Variants in SYNJ1 observed in about 807,000 individuals in gnomAD.
The protein encoded by SYNJ1 is polyphosphatidylinositol phosphatase SYNJ1.
A neutral mutation model predicts 168.2 loss-of-function variants in SYNJ1; 78 were observed. The ratio of observed to expected loss-of-function variants is 0.46; its 90% CI spans 0.39 to 0.56. SYNJ1 has a LOEUF of 0.56. Ranked by LOEUF, SYNJ1 falls within the 20% of genes least tolerant of loss-of-function variation. The pLI, the probability that SYNJ1 is intolerant of heterozygous loss-of-function variation, is 0.00. For missense variants in SYNJ1, 1,303 were observed against 1,597.6 expected, an observed-to-expected ratio of 0.82 and a Z score of 3.14; for synonymous variants, 539 against 548.6, an observed-to-expected ratio of 0.98 and a Z score of 0.24.
intron 23 of SYNJ1, among the ~76,000 whole-genome samples, chr21:32,648,907 C>T (rs1216568406): frequency 6.6e-6 from 1 of 152,148 alleles, no homozygotes; most frequent in African/African-American, 2.4e-5. Context: ...TCATTTACTC[C>T]CTCACAAACA....
At chr21:32,699,116 T>G (rs2042309144) in intron 4 of SYNJ1, among the ~76,000 whole-genome samples, 1 of 152,234 alleles carries the variant, frequency 6.6e-6, no homozygotes, top group Non-Finnish European at 1.5e-5. Flanking sequence ...CAATTAGCAA[T>G]GTCTATCCCT....
At position 32,650,351 on chromosome 21, in the gene SYNJ1, C is replaced by T. The variant is rs376206541; in HGVS notation, c.2875-5G>A. 92 of 1,597,598 alleles carry T rather than the reference C, an allele frequency of 5.8e-5. No individual in the cohort carries two copies. In the African/African-American group the frequency reaches 6.1e-4, roughly 11 times the overall value. ...AGTTATAGTCCGATTCAATAACTAG[C>T]GGAGTAAAAGAGATATAAAATAAAG... On this transcript the variant is annotated splice_polypyrimidine_tract_variant and splice_region_variant and intron_variant, in intron 22 of 32. Coordinates refer to ENST00000674351, the MANE Select transcript of SYNJ1 (RefSeq NM_203446.3).
chr21:32,641,411 A>G (rs1049878706), intron 29 of SYNJ1, among the ~76,000 whole-genome samples: 1 of 152,004 alleles, frequency 6.6e-6, no homozygotes, highest in Non-Finnish European at 1.5e-5. Context: ...AACAACATCT[A>G]CTCTCCTATT....
At chr21:32,633,603 T>A (rs1233765070) in intron 32 of SYNJ1, among the ~76,000 whole-genome samples, 1 of 152,174 alleles carries the variant, frequency 6.6e-6, no homozygotes, top group Non-Finnish European at 1.5e-5. Flanking sequence ...ATTTGGATAG[T>A]TGTTAAAGCA....
chr21:32,639,860 C>T lies in SYNJ1; in HGVS notation c.3589-81G>A, dbSNP rs1401672615. The T allele has an allele frequency of 2.5e-6, 3 of 1,195,764 alleles. No homozygotes were observed. The African/African-American group carries it at 4.5e-5, about 18-fold the overall frequency. The allele number at this position is 1,195,764 out of a possible 1,614,324, so 74.1% of individuals were successfully genotyped here. A position where few individuals can be genotyped will look rare whatever the true frequency, so the allele number is the denominator to read the frequency against. ...TCTGTGAAAACATTTGCTTTTGCATCTCATTTACTTTCTTCTATGGTATTA... is the reference window on the plus strand; with the variant it reads ...TCTGTGAAAACATTTGCTTTTGCATTTCATTTACTTTCTTCTATGGTATTA... On this transcript the variant is annotated intron_variant, in intron 29 of 32. Transcript: ENST00000674351.
intron 2 of SYNJ1, among the ~76,000 whole-genome samples, chr21:32,706,363 C>T (rs2146265453): frequency 6.6e-6 from 1 of 152,156 alleles, no homozygotes; most frequent in South Asian, 2.1e-4. Context: ...CATAATACAT[C>T]ACTGTTAATT....
chr21:32,726,876 A>T lies in SYNJ1; in HGVS notation c.20T>A (p.Phe7Tyr), dbSNP rs748690832. 6.3e-5 allele frequency: 101 copies of T among 1,614,058 alleles called. No individual in the cohort carries two copies. Among genetic ancestry groups the T allele is most frequent in the Middle Eastern group, 1.6e-4 (1 of 6,084 alleles). Residue 7 changes from phenylalanine (F) to tyrosine (Y), a missense_variant, in exon 2 of 33, where the codon TTC (phenylalanine) becomes TAC (tyrosine). Around this residue, in one of 2 missense-constraint regions of SYNJ1, gnomAD observed 920 missense variants for 1,208.8 expected, o/e 0.76. Transcript: ENST00000674351. MAFSKG[F>Y]RIYHKLDPPP... is the part of the protein sequence containing the mutation. ...GGGATCCAATTTGTGATAGATCCGG[A>T]ATCCTTTACTGAACGCCATTCTCCT...
rs2039692361 is a variant in SYNJ1, at chr21:32,638,759, C to T, written c.3915+149G>A. ...ACCCAAACATATATATATATATACA[C>T]ATATATATGTATAATAACAAATATA... On this transcript the variant is annotated intron_variant, in intron 31 of 32. Transcript: ENST00000674351. The T allele has an allele frequency of 1.4e-5, 8 of 558,734 alleles. No homozygotes were observed. The South Asian group carries it at 3.2e-4, about 22-fold the overall frequency. 34.6% of individuals were successfully genotyped at this position (558,734 alleles called of 1,614,324 possible). A position where few individuals can be genotyped will look rare whatever the true frequency, so the allele number is the denominator to read the frequency against.
At position 32,628,940 on chromosome 21, in the gene SYNJ1, A is replaced by G. The variant is rs1195307079; in HGVS notation, c.*2865T>C. ...CAGCAATCTAATATAGAGAACACAG[A>G]GTTCACAAAGAGATCCTTAGTGTCT... On this transcript the variant is annotated 3_prime_UTR_variant, in exon 33 of 33. Transcript: ENST00000674351. 6.6e-6 allele frequency: 1 copy of G among 152,670 alleles called. No homozygotes were observed. The highest frequency in any genetic ancestry group is 1.5e-5 in the Non-Finnish European group (1 of 68,046). The allele number at this position is 152,670 out of a possible 1,614,324, so 9.5% of individuals were successfully genotyped here.
At chr21:32,710,193 C>T (rs1436236056) in intron 2 of SYNJ1, among the ~76,000 whole-genome samples, 1 of 151,658 alleles carries the variant, frequency 6.6e-6, no homozygotes, top group East Asian at 1.9e-4. Flanking sequence ...GAACAAGATG[C>T]CTTCTCAAAA....
chr21:32,727,150 A>C (rs985761686), intron 1 of SYNJ1, among the ~76,000 whole-genome samples: 17 of 152,228 alleles, frequency 1.1e-4, no homozygotes, highest in Admixed American at 6.5e-5. Context: ...ACAAGGTTTT[A>C]GCACTGTAAG....
intron 19 of SYNJ1, 33 bp from the exon 20 acceptor site, chr21:32,657,153 G>T: frequency 7.1e-7 from 1 of 1,407,048 alleles, no homozygotes; most frequent in Non-Finnish European, 1.0e-6. Context: ...CACAAGAGAA[G>T]CTGTATAAGC....
intron 2 of SYNJ1, 78 bp from the exon 3 acceptor site, chr21:32,702,125 T>C: frequency 9.4e-7 from 1 of 1,065,322 alleles, no homozygotes; most frequent in Non-Finnish European, 1.4e-6. Context: ...ATCCAGAGTT[T>C]CAATCAAAAG....
intron 23 of SYNJ1, among the ~76,000 whole-genome samples, chr21:32,647,972 G>A (rs1022779760): frequency 6.6e-6 from 1 of 152,136 alleles, no homozygotes; most frequent in Non-Finnish European, 1.5e-5. Flanking sequence ...CACTCCTGCA[G>A]ATCACTTCAA....
At chr21:32,726,485 A>C (rs541887480) in intron 2 of SYNJ1, among the ~76,000 whole-genome samples, 5 of 152,276 alleles carry the variant, frequency 3.3e-5, no homozygotes, top group Admixed American at 2.6e-4. Context: ...ATACAAACTG[A>C]AACAATATTT....
intron 2 of SYNJ1, 78 bp from the exon 3 acceptor site, chr21:32,702,125 T>G (rs1446175008): frequency 9.4e-7 from 1 of 1,065,204 alleles, no homozygotes; most frequent in Non-Finnish European, 1.4e-6. Context: ...ATCCAGAGTT[T>G]CAATCAAAAG....
At chr21:32,688,097 GAA>G in intron 7 of SYNJ1, among the ~76,000 whole-genome samples, 1 of 151,956 alleles carries the variant, frequency 6.6e-6, no homozygotes, top group Admixed American at 6.6e-5. Context: ...GCCCACAGAG[GAA>G]GTTTTAAGGT....
chr21:32,653,344 C>A lies in SYNJ1; in HGVS notation c.2818G>T (p.Val940Phe), dbSNP rs890538025. 8 of 1,612,722 alleles carry A rather than the reference C, an allele frequency of 5.0e-6. No homozygotes were observed. Among genetic ancestry groups the A allele is most frequent in the Admixed American group, 1.7e-5 (1 of 60,004 alleles). Reference protein sequence around the residue: ...LIRFVEDKMWVTFLEGSSALN... With the variant: ...LIRFVEDKMWFTFLEGSSALN... ...GCAGAGCTTCCCTCCAAAAATGTAA[C>A]CCACATTTTATCTTCTACAAATCTT... The change falls in exon 22 of 33, where the codon GTT becomes TTT. Residue 940 changes from valine (V) to phenylalanine (F), a missense_variant. Physicochemically the swap from Val to Phe is conservative, Grantham distance 50. Around this residue, in one of 2 missense-constraint regions of SYNJ1, gnomAD observed 920 missense variants for 1,208.8 expected, o/e 0.76. Transcript: ENST00000674351.
At chr21:32,696,139 A>T (rs1418981661) in intron 4 of SYNJ1, among the ~76,000 whole-genome samples, 1 of 152,204 alleles carries the variant, frequency 6.6e-6, no homozygotes, top group African/African-American at 2.4e-5. Context: ...GGCGTGAGCC[A>T]CCGCGCCCGC....
Sources: allele counts gnomAD v4.1 joint callset (sites outside exome capture counted in the v4.1 genomes callset), GRCh38; gene constraint gnomAD v4.1.1; regional missense constraint gnomAD v4.1.1; transcripts MANE v1.5; gene names NCBI Gene and HGNC (gene_info 2026-07-23, HGNC 2026-07-21).